Variants in THRAP3 observed in about 807,000 individuals in gnomAD.
THRAP3 encodes thyroid hormone receptor associated protein 3.
In THRAP3, 16 loss-of-function variants were observed where a neutral mutation model predicts 101.0. The observed-to-expected ratio is 0.16, with a 90% confidence interval of 0.11 to 0.24. THRAP3 has a LOEUF of 0.24. Ranked by LOEUF, THRAP3 falls within the 10% of genes least tolerant of loss-of-function variation. The pLI, the probability that THRAP3 is intolerant of heterozygous loss-of-function variation, is 1.00. For synonymous variants in THRAP3, 407 were observed against 422.6 expected (o/e 0.96, Z 0.45); for missense variants, 989 against 1,202.7 (o/e 0.82, Z 2.63).
rs540389146 is a variant in THRAP3 at position 36,244,778 on chromosome 1, C to T, written c.-134-14604C>T. Among the ~76,000 whole-genome samples, 191 of 150,810 alleles carry T rather than the reference C, an allele frequency of 1.3e-3. 1 individual carries two copies. The highest frequency in any genetic ancestry group is 4.5e-3 in the African/African-American group (183 of 41,004). ...CTGTTGCCAGGCTGGAGTGCAGTGG[C>T]GCAATCTCAGCTCACTGCAACCTCC... On this transcript the variant is annotated intron_variant, in intron 1 of 11. Transcript: ENST00000354618.
At chr1:36,275,601 A>AG (rs1645649249) in intron 2 of THRAP3, among the ~76,000 whole-genome samples, 2 of 126,042 alleles carry the variant, frequency 1.6e-5, no homozygotes, top group African/African-American at 5.9e-5. Context: ...AAAAAAAAAA[A>AG]AAAGTCTTCT....
intron 2 of THRAP3, among the ~76,000 whole-genome samples, chr1:36,279,890 T>G (rs1645709718): frequency 6.6e-6 from 1 of 152,214 alleles, no homozygotes; most frequent in African/African-American, 2.4e-5. Context: ...GTAAACTTGG[T>G]AAGGGTGGAC....
chr1:36,239,448 G>A (rs1193321731), intron 1 of THRAP3, among the ~76,000 whole-genome samples: 1 of 152,010 alleles, frequency 6.6e-6, no homozygotes, highest in African/African-American at 2.4e-5. Flanking sequence ...TGTGTTTTTA[G>A]TAGAGACGAG....
At chr1:36,236,643 G>A (rs758701974) in intron 1 of THRAP3, among the ~76,000 whole-genome samples, 4 of 152,140 alleles carry the variant, frequency 2.6e-5, no homozygotes, top group African/African-American at 4.8e-5. Context: ...GCCGGGGCCG[G>A]CTAGTACATG....
chr1:36,246,018 A>G (rs1229019895), intron 1 of THRAP3, among the ~76,000 whole-genome samples: 1 of 152,078 alleles, frequency 6.6e-6, no homozygotes, highest in East Asian at 1.9e-4. Flanking sequence ...AGGGGGAGGT[A>G]TGATTATAAT....
intron 1 of THRAP3, among the ~76,000 whole-genome samples, chr1:36,257,625 C>T (rs1645392138): frequency 6.6e-6 from 1 of 152,138 alleles, no homozygotes; most frequent in Non-Finnish European, 1.5e-5. Context: ...TTCGCTGTCA[C>T]AGAGTAACTA....
At chr1:36,296,093 C>G (rs1353375709) in intron 8 of THRAP3, among the ~76,000 whole-genome samples, 1 of 149,402 alleles carries the variant, frequency 6.7e-6, no homozygotes, top group Non-Finnish European at 1.5e-5. Flanking sequence ...TCTGCTTTAG[C>G]CTCCCTAGTA....
intron 2 of THRAP3, among the ~76,000 whole-genome samples, chr1:36,274,084 A>AGTGT (rs1557437717): frequency 9.2e-4 from 4 of 4,368 alleles, no homozygotes; most frequent in African/African-American, 1.2e-3. Context: ...TGTCACACAC[A>AGTGT]CACACACACA....
intron 8 of THRAP3, among the ~76,000 whole-genome samples, chr1:36,295,804 A>G (rs1267595385): frequency 1.3e-4 from 20 of 151,970 alleles, no homozygotes; most frequent in Admixed American, 1.3e-3. Flanking sequence ...CTTTGGACTC[A>G]GTACTCAGAG....
intron 2 of THRAP3, among the ~76,000 whole-genome samples, chr1:36,261,912 G>T (rs1281614372): frequency 2.6e-5 from 4 of 152,140 alleles, no homozygotes; most frequent in Non-Finnish European, 5.9e-5. Flanking sequence ...GAAAGGCTTA[G>T]TGGGTAGAGA....
At chr1:36,299,060 C>T (rs560087384) in intron 9 of THRAP3, among the ~76,000 whole-genome samples, 2 of 151,484 alleles carry the variant, frequency 1.3e-5, no homozygotes, top group East Asian at 4.0e-4. Context: ...CTCTGAAGTG[C>T]TGGGATTACA....
chr1:36,240,238 G>T (rs1380796707), intron 1 of THRAP3, among the ~76,000 whole-genome samples: 1 of 152,138 alleles, frequency 6.6e-6, no homozygotes, highest in Non-Finnish European at 1.5e-5. Flanking sequence ...AGCTGGTCAC[G>T]TGGCTCAGTC....
At chr1:36,253,616 C>T (rs1293929322) in intron 1 of THRAP3, among the ~76,000 whole-genome samples, 1 of 152,074 alleles carries the variant, frequency 6.6e-6, no homozygotes, top group Admixed American at 6.6e-5. Context: ...TTCTTTGAGA[C>T]AGAATCTCCC....
Position 36,292,614 on chromosome 1 carries a change from C to T in THRAP3, c.1935C>T (p.Ser645=). The part of the protein sequence containing the change: ...VHHVKEHHFG[S]SGMTLHERFT... ...TCCCAACAGAGCATCACTTTGGGTC[C>T]TCAGGAATGACATTACATGAACGCT... Residue 645 remains serine, a synonymous_variant, in exon 7 of 12, where the codon TCC becomes TCT. Coordinates refer to ENST00000354618, the MANE Select transcript of THRAP3 (RefSeq NM_005119.4). The T allele has an allele frequency of 1.2e-6, 2 of 1,613,178 alleles. No homozygotes were observed. The highest frequency in any genetic ancestry group is 1.7e-6 in the Non-Finnish European group (2 of 1,179,606).
chr1:36,259,724 C>T (rs910775778), intron 2 of THRAP3, among the ~76,000 whole-genome samples: 1 of 150,210 alleles, frequency 6.7e-6, no homozygotes, highest in African/African-American at 2.5e-5. Flanking sequence ...CATGTTCATG[C>T]CACTGCACTC....
Position 36,303,791 on chromosome 1 carries a change from C to G in THRAP3, c.2647-5C>G, listed in dbSNP as rs766477030. ...GGCACTGATGGCAATTTTCTTTCCC[C>G]TCAGCATGATGACCGTGAAGGCGAA... On this transcript the variant is annotated splice_polypyrimidine_tract_variant and splice_region_variant and intron_variant, in intron 11 of 11. Transcript: ENST00000354618. 2.2e-5 allele frequency: 36 copies of G among 1,613,824 alleles called. No homozygotes were observed. Among genetic ancestry groups the G allele is most frequent in the Non-Finnish European group, 3.1e-5 (36 of 1,179,940 alleles).
At chr1:36,231,500 C>T (rs1254244432) in intron 1 of THRAP3, among the ~76,000 whole-genome samples, 1 of 152,188 alleles carries the variant, frequency 6.6e-6, no homozygotes, top group Non-Finnish European at 1.5e-5. Flanking sequence ...AGACTTTTGG[C>T]TCTTGTCCTG....
chr1:36,277,113 C>T (rs550055495), intron 2 of THRAP3, among the ~76,000 whole-genome samples: 3 of 151,372 alleles, frequency 2.0e-5, no homozygotes, highest in African/African-American at 7.3e-5. Flanking sequence ...GGATTACAGG[C>T]GCCTGCCACC....
At chr1:36,265,987 G>A (rs1186539206) in intron 2 of THRAP3, among the ~76,000 whole-genome samples, 1 of 151,786 alleles carries the variant, frequency 6.6e-6, no homozygotes, top group African/African-American at 2.4e-5. Flanking sequence ...GACCCCGTCT[G>A]TATTGAAAAT....
Sources: allele counts gnomAD v4.1 joint callset (sites outside exome capture counted in the v4.1 genomes callset), GRCh38; gene constraint gnomAD v4.1.1; transcripts MANE v1.5; gene names NCBI Gene and HGNC (gene_info 2026-07-23, HGNC 2026-07-21).